Variants in CEPT1 observed in about 807,000 individuals in gnomAD.
CEPT1 encodes choline/ethanolaminephosphotransferase 1.
Under a neutral mutation model 42.6 loss-of-function variants are expected in CEPT1, and 7 were observed. That is an observed-to-expected ratio of 0.16 (90% confidence interval 0.09 to 0.31). The LOEUF (loss-of-function observed/expected upper bound fraction) is 0.31. Ranked by LOEUF, CEPT1 falls within the 10% of genes least tolerant of loss-of-function variation. CEPT1 has a pLI of 1.00. For missense variants in CEPT1, 306 were observed against 502.1 expected, an observed-to-expected ratio of 0.61 and a Z score of 3.73; for synonymous variants, 171 against 171.9, an observed-to-expected ratio of 0.99 and a Z score of 0.04.
At position 111,184,309 on chromosome 1, in the gene CEPT1, A is replaced by G; in HGVS notation, c.1250A>G (p.Ter417=). The G allele has an allele frequency of 6.2e-7, 1 of 1,610,570 alleles. No homozygotes were observed. Among genetic ancestry groups the G allele is most frequent in the Non-Finnish European group, 8.5e-7 (1 of 1,177,706 alleles). ...KVSTAHSNHH[*] Reference sequence around the variant, plus strand: ...TCTACAGCTCATTCTAATCATCATTAATGATGTAATTGGTATATAGGAACA... The same window carrying G: ...TCTACAGCTCATTCTAATCATCATTGATGATGTAATTGGTATATAGGAACA... Residue 417 remains the stop codon, a stop_retained_variant, in exon 9 of 9, where the codon TAA becomes TGA. Transcript: ENST00000357172.
intron 5 of CEPT1, 37 bp from the exon 6 acceptor site, chr1:111,182,148 GTA>G: frequency 6.7e-7 from 1 of 1,482,018 alleles, no homozygotes; most frequent in Non-Finnish European, 9.2e-7. Flanking sequence ...ATTTTAGTTT[GTA>G]TATGTTTTAA....
At chr1:111,158,582 C>G (rs1414008367) in intron 2 of CEPT1, among the ~76,000 whole-genome samples, 1 of 152,132 alleles carries the variant, frequency 6.6e-6, no homozygotes, top group Admixed American at 6.5e-5. Context: ...TTATGTCCCC[C>G]TCTTGAATAT....
chr1:111,155,625 C>T (rs1031839266), intron 2 of CEPT1, among the ~76,000 whole-genome samples: 5 of 151,910 alleles, frequency 3.3e-5, no homozygotes, highest in South Asian at 2.1e-4. Context: ...CTGCAACCTC[C>T]GCCTCACCTG....
At chr1:111,183,625 G>A (rs1657103664) in intron 8 of CEPT1, 38 bp downstream of exon 8, 3 of 1,572,852 alleles carry the variant, frequency 1.9e-6, no homozygotes, top group Admixed American at 1.7e-5. Context: ...TGGTTTGAGG[G>A]TTTGAAGGTT....
chr1:111,160,887 A>G, intron 3 of CEPT1: 1 of 459,436 alleles, frequency 2.2e-6, no homozygotes, highest in South Asian at 2.3e-5. Flanking sequence ...AGTCAGGAAA[A>G]TACTCGAAGA....
intron 1 of CEPT1, among the ~76,000 whole-genome samples, chr1:111,141,324 T>G (rs1192221468): frequency 6.6e-6 from 1 of 152,226 alleles, no homozygotes; most frequent in Non-Finnish European, 1.5e-5. Context: ...TCTAAAAGCA[T>G]TTAGTTTCCT....
At chr1:111,156,098 G>T (rs548884138) in intron 2 of CEPT1, among the ~76,000 whole-genome samples, 23 of 151,970 alleles carry the variant, frequency 1.5e-4, no homozygotes, top group South Asian at 2.1e-4. Flanking sequence ...TTGGTATTTT[G>T]TGCTTCTGTT....
intron 2 of CEPT1, among the ~76,000 whole-genome samples, chr1:111,153,988 A>G (rs77730043): frequency 5.3e-5 from 8 of 152,114 alleles, no homozygotes; most frequent in African/African-American, 1.9e-4. Flanking sequence ...ATTTCTGTGA[A>G]GAATGTCATT....
chr1:111,174,962 T>C lies in CEPT1; in HGVS notation c.713T>C (p.Met238Thr). Residue 238 changes from methionine to threonine, a missense_variant and splice_region_variant, in exon 5 of 9, where the codon ATG becomes ACG. By Grantham distance (81) the Met-to-Thr change is moderately conservative. Coordinates refer to ENST00000357172, the MANE Select transcript of CEPT1 (RefSeq NM_006090.5). The part of the protein sequence containing the change: ...VIGGPPFWQS[M>T]IPVLNIQMKI... ...GGAGGACCACCTTTTTGGCAATCTA[T>C]GGTAACTTTGTTCACATTGTGTATC... 1 of 1,589,030 alleles carries C rather than the reference T, an allele frequency of 6.3e-7. No homozygotes were observed. The highest frequency in any genetic ancestry group is 8.6e-7 in the Non-Finnish European group (1 of 1,157,312).
At chr1:111,161,425 C>A in intron 4 of CEPT1, 129 bp downstream of exon 4, 1 of 846,416 alleles carries the variant, frequency 1.2e-6, no homozygotes, top group Non-Finnish European at 1.8e-6. Flanking sequence ...ATTTATGCTT[C>A]ATTATTATAG....
Position 111,184,366 on chromosome 1 carries a change from T to C in CEPT1, c.*56T>C. ...TTTCTGCAGGAAAGAAAGTAACATA[T>C]TAAGGAGAATGGGGGTGGATAAGAA... On this transcript the variant is annotated 3_prime_UTR_variant, in exon 9 of 9. Transcript: ENST00000357172. 1 of 1,380,358 alleles carries C rather than the reference T, an allele frequency of 7.2e-7. No individual in the cohort carries two copies. The highest frequency in any genetic ancestry group is 1.0e-6 in the Non-Finnish European group (1 of 985,894). The allele number at this position is 1,380,358 out of a possible 1,614,324, so 85.5% of individuals were successfully genotyped here.
intron 2 of CEPT1, among the ~76,000 whole-genome samples, chr1:111,150,870 C>T (rs1220988729): frequency 6.6e-6 from 1 of 152,146 alleles, no homozygotes; most frequent in Admixed American, 6.5e-5. Flanking sequence ...GTTCATTACT[C>T]AGTATTTAAA....
intron 5 of CEPT1, among the ~76,000 whole-genome samples, chr1:111,177,503 G>T (rs1282279446): frequency 6.6e-6 from 1 of 152,126 alleles, no homozygotes; most frequent in Non-Finnish European, 1.5e-5. Flanking sequence ...TATAAATATG[G>T]AAATGCATAA....
chr1:111,183,405 T>C lies in CEPT1; in HGVS notation c.1006-57T>C. ...TATCTGAGCACAATATGATTTACTG[T>C]GTAGTTCACAATTGTCCTCTTATGA... On this transcript the variant is annotated intron_variant, in intron 7 of 8. Transcript: ENST00000357172. 4 of 1,575,580 alleles carry C rather than the reference T, an allele frequency of 2.5e-6. No homozygotes were observed. In the South Asian group the frequency reaches 4.5e-5, roughly 18 times the overall value.
intron 1 of CEPT1, among the ~76,000 whole-genome samples, chr1:111,146,855 T>A (rs2101233349): frequency 6.6e-6 from 1 of 151,616 alleles, no homozygotes; most frequent in East Asian, 1.9e-4. Context: ...ATATACTGTC[T>A]TAAAGTTAAT....
At chr1:111,151,881 G>C (rs966088362) in intron 2 of CEPT1, among the ~76,000 whole-genome samples, 1 of 152,146 alleles carries the variant, frequency 6.6e-6, no homozygotes, top group African/African-American at 2.4e-5. Flanking sequence ...GTCTTGTATT[G>C]TTATGCCAGA....
At chr1:111,165,201 A>T (rs908577911) in intron 4 of CEPT1, among the ~76,000 whole-genome samples, 2 of 151,412 alleles carry the variant, frequency 1.3e-5, no homozygotes, top group Non-Finnish European at 2.9e-5. Context: ...GGCACCCGCC[A>T]CCATGCCCGG....
intron 2 of CEPT1, among the ~76,000 whole-genome samples, chr1:111,153,351 GGCATACACC>G (rs1299915384): frequency 6.6e-6 from 1 of 152,148 alleles, no homozygotes; most frequent in African/African-American, 2.4e-5. Context: ...TGGCATTACA[GGCATACACC>G]GCCATACCTG....
At chr1:111,173,255 C>G (rs1656510360) in intron 4 of CEPT1, 1 of 152,188 alleles carries the variant, frequency 6.6e-6, no homozygotes, top group Non-Finnish European at 1.5e-5. Context: ...ACACCACTCA[C>G]CAGGTCAGCT....
Sources: gnomAD v4.1 joint callset for allele counts (sites outside exome capture counted in the v4.1 genomes callset) on GRCh38, gnomAD v4.1.1 for gene constraint, MANE v1.5 for transcripts, NCBI Gene and HGNC (gene_info 2026-07-23, HGNC 2026-07-21) for gene names.